ELMO1: variants seen among roughly 807,000 people sequenced by gnomAD.
ELMO1 encodes engulfment and cell motility 1.
In ELMO1, 26 loss-of-function variants were observed where a neutral mutation model predicts 98.9. The observed-to-expected ratio is 0.26, with a 90% confidence interval of 0.19 to 0.36. The LOEUF is 0.36. ELMO1 is among the 10% of genes least tolerant of loss of function. ELMO1 has a pLI of 1.00. For synonymous variants in ELMO1, 346 were observed against 346.0 expected (o/e 1.00, Z 0.00); for missense variants, 627 against 935.2 (o/e 0.67, Z 4.30).
chr7:37,106,667 C>T (rs1784962429), intron 14 of ELMO1, among the ~76,000 whole-genome samples: 1 of 149,672 alleles, frequency 6.7e-6, no homozygotes, highest in South Asian at 2.1e-4. Flanking sequence ...AAGGACAGGG[C>T]ATTGGGTGTG....
chr7:37,406,153 G>T (rs1051063376), intron 1 of ELMO1, among the ~76,000 whole-genome samples: 7 of 152,228 alleles, frequency 4.6e-5, no homozygotes, highest in African/African-American at 1.7e-4. Flanking sequence ...GCTGGTTCAG[G>T]CCCTGTGTAT....
At position 37,015,451 on chromosome 7, in the gene ELMO1, A is replaced by C. The variant is rs190479153; in HGVS notation, c.1301-2016T>G. On this transcript the variant is annotated intron_variant, in intron 15 of 21. Coordinates refer to ENST00000310758, the MANE Select transcript of ELMO1 (RefSeq NM_014800.11). Reference sequence around the variant, plus strand: ...TCCTGTCTCTACTAAAAACACAAAAATTAGCTGGGCATGGTGGCATGCCGC... The same window carrying C: ...TCCTGTCTCTACTAAAAACACAAAACTTAGCTGGGCATGGTGGCATGCCGC... Among the ~76,000 whole-genome samples, 341 of 152,124 alleles carry C rather than the reference A, an allele frequency of 2.2e-3. 1 individual carries two copies. Among genetic ancestry groups the C allele is most frequent in the East Asian group, 4.3e-3 (22 of 5,162 alleles).
intron 13 of ELMO1, among the ~76,000 whole-genome samples, chr7:37,169,436 T>A (rs931465982): frequency 9.9e-5 from 15 of 152,198 alleles, no homozygotes; most frequent in Admixed American, 5.2e-4. Flanking sequence ...TCTGCGTCGC[T>A]CACGCTGGGA....
At chr7:37,440,894 A>G (rs933804923) in intron 1 of ELMO1, among the ~76,000 whole-genome samples, 4 of 152,016 alleles carry the variant, frequency 2.6e-5, no homozygotes, top group Non-Finnish European at 5.9e-5. Context: ...AAAATGAGCA[A>G]TCTGACCAAA....
chr7:37,382,565 C>T (rs1435989071), intron 1 of ELMO1, among the ~76,000 whole-genome samples: 2 of 152,120 alleles, frequency 1.3e-5, no homozygotes, highest in Non-Finnish European at 2.9e-5. Flanking sequence ...CCATCCCATA[C>T]CAGGAAGGGG....
chr7:36,956,431 C>T (rs1389363467), intron 16 of ELMO1, among the ~76,000 whole-genome samples: 1 of 152,180 alleles, frequency 6.6e-6, no homozygotes, highest in African/African-American at 2.4e-5. Flanking sequence ...ACTTTCAAAA[C>T]AAGGCCTTGT....
Position 37,217,276 on chromosome 7 carries a change from T to C in ELMO1, c.781-581A>G, listed in dbSNP as rs147121246. Among the ~76,000 whole-genome samples the C allele has an allele frequency of 9.8e-5, 15 of 152,314 alleles. No individual in the cohort carries two copies. In the East Asian group the frequency reaches 1.7e-3, roughly 18 times the overall value. ...GGCCTGATTTCTGCAGGTTGTTTTG[T>C]GCCTTGGCATCTCCTGACTGGTATG... On this transcript the variant is annotated intron_variant, in intron 10 of 21. Coordinates refer to ENST00000310758, the MANE Select transcript of ELMO1 (RefSeq NM_014800.11).
At chr7:37,256,969 T>G (rs1350175199) in intron 6 of ELMO1, among the ~76,000 whole-genome samples, 1 of 152,210 alleles carries the variant, frequency 6.6e-6, no homozygotes, top group Non-Finnish European at 1.5e-5. Flanking sequence ...GACACTGTAC[T>G]TTATTAGCTT....
At position 37,212,628 on chromosome 7, in the gene ELMO1, G is replaced by A. The variant is rs143396254; in HGVS notation, c.954+707C>T. Among the ~76,000 whole-genome samples, 7 of 152,186 alleles carry A rather than the reference G, an allele frequency of 4.6e-5. No homozygotes were observed. In the East Asian group the frequency reaches 7.7e-4, roughly 17 times the overall value. On this transcript the variant is annotated intron_variant, in intron 12 of 21. Transcript: ENST00000310758. ...CCTTGCTCCATGAATGAAGTGCCAC[G>A]GCAGCTACACACTTCACATATGCAG... is the stretch of plus-strand genomic sequence containing the variant.
At chr7:37,390,279 G>A (rs1247188988) in intron 1 of ELMO1, among the ~76,000 whole-genome samples, 1 of 152,220 alleles carries the variant, frequency 6.6e-6, no homozygotes, top group Non-Finnish European at 1.5e-5. Context: ...CAGCTGTCAG[G>A]CTTGCGCCAC....
At chr7:37,391,934 G>T (rs1465044420) in intron 1 of ELMO1, among the ~76,000 whole-genome samples, 4 of 152,194 alleles carry the variant, frequency 2.6e-5, no homozygotes, top group Non-Finnish European at 5.9e-5. Flanking sequence ...AAAGCATTCA[G>T]TTGTAGAAAG....
chr7:36,920,141 G>A (rs1407708771), intron 16 of ELMO1, among the ~76,000 whole-genome samples: 2 of 152,178 alleles, frequency 1.3e-5, no homozygotes, highest in Non-Finnish European at 2.9e-5. Context: ...TGGCTAATAT[G>A]CCCCTTGGCC....
chr7:37,304,691 G>C lies in ELMO1; in HGVS notation c.192+10159C>G, dbSNP rs143425761. On this transcript the variant is annotated intron_variant, in intron 4 of 21. Transcript: ENST00000310758. ...AGATTGCGCCACTGCGCTTCAGCCT[G>C]GGCGACAGAGCGAGACTCTGTCTCC... Among the ~76,000 whole-genome samples the C allele has an allele frequency of 5.8e-4, 88 of 152,290 alleles. No homozygotes were observed. The East Asian group carries it at 9.3e-3, about 16-fold the overall frequency.
At chr7:37,189,573 A>G (rs1003054448) in intron 13 of ELMO1, among the ~76,000 whole-genome samples, 9 of 152,196 alleles carry the variant, frequency 5.9e-5, no homozygotes, top group Non-Finnish European at 2.9e-5. Flanking sequence ...TCTTGCGGCT[A>G]CATGGGTATG....
chr7:37,114,581 T>C (rs1337960604), intron 14 of ELMO1, among the ~76,000 whole-genome samples: 2 of 152,178 alleles, frequency 1.3e-5, no homozygotes, highest in Non-Finnish European at 2.9e-5. Flanking sequence ...TTAGCCATGC[T>C]GAACCCCTAT....
intron 15 of ELMO1, among the ~76,000 whole-genome samples, chr7:37,074,385 GGT>G (rs1001852254): frequency 3.3e-5 from 5 of 152,060 alleles, no homozygotes; most frequent in African/African-American, 1.2e-4. Context: ...AGCTTAAAAT[GGT>G]GTTAGAATAT....
chr7:37,289,247 T>C (rs1349524167), intron 4 of ELMO1, among the ~76,000 whole-genome samples: 3 of 152,194 alleles, frequency 2.0e-5, no homozygotes, highest in African/African-American at 4.8e-5. Flanking sequence ...CCTTCCCCTC[T>C]CTCACAATCC....
At chr7:37,347,172 G>C (rs1238759382) in intron 1 of ELMO1, among the ~76,000 whole-genome samples, 1 of 152,190 alleles carries the variant, frequency 6.6e-6, no homozygotes, top group African/African-American at 2.4e-5. Context: ...CAGAAGTCCA[G>C]ACTTTATCCT....
intron 16 of ELMO1, among the ~76,000 whole-genome samples, chr7:36,949,892 A>G (rs1299362038): frequency 2.0e-5 from 3 of 152,186 alleles, no homozygotes; most frequent in East Asian, 3.9e-4. Flanking sequence ...CCTCATGCCA[A>G]TGACACAGAC....
Sources: gnomAD v4.1 joint callset for allele counts (sites outside exome capture counted in the v4.1 genomes callset) on GRCh38, gnomAD v4.1.1 for gene constraint, MANE v1.5 for transcripts, NCBI Gene and HGNC (gene_info 2026-07-23, HGNC 2026-07-21) for gene names.